The following RBM3 variants were observed in gnomAD, a reference collection of about 807,000 sequenced individuals.
The protein encoded by RBM3 is RNA-binding protein 3.
A neutral mutation model predicts 12.0 loss-of-function variants in RBM3; 3 were observed. That is an observed-to-expected ratio of 0.25 (90% CI 0.11 to 0.65). The LOEUF is 0.65. RBM3 is among the 30% of genes least tolerant of loss of function. The probability of loss-of-function intolerance (pLI) is 0.84; values close to 1 mark genes in which losing one functional copy is unlikely to be tolerated. For missense variants in RBM3, 108 were observed against 134.5 expected, an observed-to-expected ratio of 0.80 and a Z score of 0.97; for synonymous variants, 58 against 45.7, an observed-to-expected ratio of 1.27 and a Z score of -1.08.
chrX:48,576,669 G>T, intron 5 of RBM3, 65 bp downstream of exon 5: 1 of 1,140,800 alleles, frequency 8.8e-7, no homozygotes, highest in Non-Finnish European at 1.2e-6. Flanking sequence ...TCAGCGCCTG[G>T]GTGTTCATGC....
Position 48,576,304 on chromosome X carries a change from C to A in RBM3, c.211-10C>A. ...TGCCAACCCATCATCCTTGTGTCTC[C>A]CACACTTAGTCTCTGGATGGTCGTC... On this transcript the variant is annotated splice_polypyrimidine_tract_variant and intron_variant, in intron 3 of 6. Coordinates refer to ENST00000376759, the MANE Select transcript of RBM3 (RefSeq NM_006743.5). 8.3e-7 allele frequency: 1 copy of A among 1,205,967 alleles called. No individual in the cohort carries two copies. The highest frequency in any genetic ancestry group is 1.1e-6 in the Non-Finnish European group (1 of 893,093).
chrX:48,579,446 G>A lies in RBM3; in HGVS notation c.*2005G>A, dbSNP rs911902323. On this transcript the variant is annotated 3_prime_UTR_variant, in exon 7 of 7. Transcript: ENST00000376759. ...TTCTTCCTGTAACCCAAACAGTCAT[G>A]AATTTGCTTTGGCAGGTGGATGGAG... is the stretch of plus-strand genomic sequence containing the variant. Among the ~76,000 whole-genome samples, 6 of 112,039 alleles carry A rather than the reference G, an allele frequency of 5.4e-5. No individual in the cohort carries two copies. The highest frequency in any genetic ancestry group is 1.1e-4 in the Non-Finnish European group (6 of 53,221).
rs181643320 is a variant in RBM3, at chrX:48,574,497, C to G, written c.-90C>G. On this transcript the variant is annotated 5_prime_UTR_variant, in exon 1 of 7. Coordinates refer to ENST00000376759, the MANE Select transcript of RBM3 (RefSeq NM_006743.5). ...TACGTACTCTTTATCAATCGTCTTCCGGCGCAGCCCCGTCCCTGTTTTTTG... is the reference window on the plus strand; with the variant it reads ...TACGTACTCTTTATCAATCGTCTTCGGGCGCAGCCCCGTCCCTGTTTTTTG... 26 of 328,024 alleles carry G rather than the reference C, an allele frequency of 7.9e-5. No individual in the cohort carries two copies. Among genetic ancestry groups the G allele is most frequent in the Non-Finnish European group, 1.3e-4 (22 of 168,928 alleles). The allele number at this position is 328,024 out of a possible 1,213,427, so 27.0% of individuals were successfully genotyped here.
In RBM3 at chrX:48,577,853, C is replaced by G; in HGVS notation, c.*412C>G. On this transcript the variant is annotated 3_prime_UTR_variant, in exon 7 of 7. Coordinates refer to ENST00000376759, the MANE Select transcript of RBM3 (RefSeq NM_006743.5). ...TTTATTGTGGTTAGGAAGCAATTTC[C>G]CAATGTACCTATAAGAAATGTGCAT... The G allele has an allele frequency of 7.3e-6, 1 of 137,260 alleles. No homozygotes were observed. Among genetic ancestry groups the G allele is most frequent in the South Asian group, 1.7e-4 (1 of 5,834 alleles). 11.3% of individuals were successfully genotyped at this position (137,260 alleles called of 1,213,427 possible). A position where few individuals can be genotyped will look rare whatever the true frequency, so the allele number is the denominator to read the frequency against.
intron 5 of RBM3, 23 bp from the exon 6 acceptor site, chrX:48,577,003 T>C (rs782392444): frequency 8.3e-7 from 1 of 1,206,837 alleles, no homozygotes; most frequent in Admixed American, 2.2e-5. Flanking sequence ...AGAAAACTTT[T>C]GTGTGTTTTT....
chrX:48,575,371 C>T (rs1602131154), intron 2 of RBM3, 88 bp downstream of exon 2: 3 of 906,207 alleles, frequency 3.3e-6, no homozygotes, highest in East Asian at 3.4e-5. Context: ...AAAGTTAGGA[C>T]CCACGCCTCC....
intron 3 of RBM3, 90 bp from the exon 4 acceptor site, chrX:48,576,224 C>T: frequency 1.7e-6 from 2 of 1,167,964 alleles, no homozygotes; most frequent in Non-Finnish European, 2.3e-6. Flanking sequence ...GAATTTTTGG[C>T]CTCTTTTGCC....
At chrX:48,576,719 G>C in intron 5 of RBM3, 115 bp downstream of exon 5, 1 of 1,054,964 alleles carries the variant, frequency 9.5e-7, no homozygotes, top group Non-Finnish European at 1.2e-6. Context: ...CCTAAAATGA[G>C]TATGAAATTT....
chrX:48,577,052 CAGG>C lies in RBM3; in HGVS notation c.445_447del (p.Gly149del), dbSNP rs782107609. 64 of 1,209,522 alleles carry C rather than the reference CAGG, an allele frequency of 5.3e-5. No homozygotes were observed. In the Admixed American group the frequency reaches 1.1e-3, roughly 21 times the overall value. Reference sequence around the variant, plus strand: ...AACCAGGGTGGTTATGACCGCTACTCAGGAGGAAATTACAGAGACAATTATGAC... The same window carrying C: ...AACCAGGGTGGTTATGACCGCTACTCAGGAAATTACAGAGACAATTATGAC... On this transcript the variant is annotated inframe_deletion, in exon 6 of 7. Coordinates refer to ENST00000376759, the MANE Select transcript of RBM3 (RefSeq NM_006743.5).
intron 1 of RBM3, 160 bp downstream of exon 1, chrX:48,574,733 G>T (rs1009612415): frequency 4.8e-5 from 16 of 330,462 alleles, no homozygotes; most frequent in Non-Finnish European, 9.4e-5. Context: ...GAAACATTTC[G>T]GTTGGTGGGA....
intron 3 of RBM3, 173 bp from the exon 4 acceptor site, chrX:48,576,141 G>A (rs1427649063): frequency 1.1e-5 from 13 of 1,163,275 alleles, no homozygotes; most frequent in Non-Finnish European, 1.5e-5. Context: ...GGATTCTATA[G>A]CTCCTGATGA....
In RBM3 at chrX:48,577,689, ATTTTTC is replaced by A; in HGVS notation, c.*254_*259del. 4.7e-6 allele frequency: 1 copy of A among 210,902 alleles called. No homozygotes were observed. The highest frequency in any genetic ancestry group is 8.4e-6 in the Non-Finnish European group (1 of 118,906). The allele number at this position is 210,902 out of a possible 1,213,427, so 17.4% of individuals were successfully genotyped here. A position where few individuals can be genotyped will look rare whatever the true frequency, so the allele number is the denominator to read the frequency against. Reference sequence around the variant, plus strand: ...TATGGGACGTTTGTAGAACCTGAGTATTTTTCTTTTTACCAGTTTTTTAGTTTGAGC... The same window carrying A: ...TATGGGACGTTTGTAGAACCTGAGTATTTTTACCAGTTTTTTAGTTTGAGC... On this transcript the variant is annotated 3_prime_UTR_variant, in exon 7 of 7. Coordinates refer to ENST00000376759, the MANE Select transcript of RBM3 (RefSeq NM_006743.5).
At chrX:48,576,665 C>T in intron 5 of RBM3, 61 bp downstream of exon 5, 1 of 1,142,183 alleles carries the variant, frequency 8.8e-7, no homozygotes. Context: ...GAACTCAGCG[C>T]CTGGGTGTTC....
At position 48,580,017 on chromosome X, in the gene RBM3, T is replaced by G. The variant is rs1370016413; in HGVS notation, c.*2576T>G. 9.0e-6 allele frequency: 1 copy of G among 111,373 alleles called. No individual in the cohort carries two copies. Among genetic ancestry groups the G allele is most frequent in the Non-Finnish European group, 1.9e-5 (1 of 53,095 alleles). 9.2% of individuals were successfully genotyped at this position (111,373 alleles called of 1,213,427 possible). A position where few individuals can be genotyped will look rare whatever the true frequency, so the allele number is the denominator to read the frequency against. ...CTTTGGTTTGTCTTCAGCATCCAAC[T>G]GATGCACATTTGTCAAGAACCCACT... On this transcript the variant is annotated 3_prime_UTR_variant, in exon 7 of 7. Coordinates refer to ENST00000376759, the MANE Select transcript of RBM3 (RefSeq NM_006743.5).
rs782281353 is a variant in RBM3 at position 48,575,275 on chromosome X, T to C, written c.95T>C (p.Ile32Thr). 1 of 1,203,358 alleles carries C rather than the reference T, an allele frequency of 8.3e-7. No homozygotes were observed. Among genetic ancestry groups the C allele is most frequent in the Admixed American group, 2.2e-5 (1 of 45,592 alleles). ...GACCACTTCAGCAGTTTCGGACCTA[T>C]CTCTGAGGGTGAGACGGGCCATACT... ...LEDHFSSFGP[I>T]SEVVVVKDRE... Residue 32 changes from isoleucine to threonine, a missense_variant, in exon 2 of 7, where the codon ATC becomes ACC. Ile to Thr is a moderately conservative substitution (Grantham distance 89). Around this residue, in one of 2 missense-constraint regions of RBM3, gnomAD observed 43 missense variants for 79.6 expected, o/e 0.54. Coordinates refer to ENST00000376759, the MANE Select transcript of RBM3 (RefSeq NM_006743.5).
chrX:48,577,126 G>A lies in RBM3; in HGVS notation c.*23+17G>A, dbSNP rs371318985. 9.9e-6 allele frequency: 12 copies of A among 1,207,899 alleles called. No homozygotes were observed. The South Asian group carries it at 1.8e-4, about 18-fold the overall frequency. On this transcript the variant is annotated intron_variant, in intron 6 of 6. Transcript: ENST00000376759. Reference sequence around the variant, plus strand: ...ATAATATAGGTGAGACTTGGATATCGGCATTGAGTGAACCTGTTTGTCACA... The same window carrying A: ...ATAATATAGGTGAGACTTGGATATCAGCATTGAGTGAACCTGTTTGTCACA...
chrX:48,575,103 G>A (rs2062074274), intron 1 of RBM3, 65 bp from the exon 2 acceptor site: 20 of 800,937 alleles, frequency 2.5e-5, no homozygotes, highest in Non-Finnish European at 3.5e-5. Context: ...TTTCCGTCTC[G>A]CTATTTTCTC....
At chrX:48,576,277 A>G (rs782082320) in intron 3 of RBM3, 37 bp from the exon 4 acceptor site, 1 of 1,190,868 alleles carries the variant, frequency 8.4e-7, no homozygotes. Context: ...GCCCTGACTG[A>G]CTGCCAACCC....
chrX:48,575,749 C>G (rs1391690865), intron 3 of RBM3, 82 bp downstream of exon 3: 21 of 945,290 alleles, frequency 2.2e-5, no homozygotes, highest in Non-Finnish European at 2.4e-5. Context: ...TGTGTCTGCT[C>G]GGGGCAGCGT....
Sources: allele counts gnomAD v4.1 joint callset (sites outside exome capture counted in the v4.1 genomes callset), GRCh38; gene constraint gnomAD v4.1.1; regional missense constraint gnomAD v4.1.1; transcripts MANE v1.5; gene names NCBI Gene and HGNC (gene_info 2026-07-23, HGNC 2026-07-21).